Variants in MED15 observed in about 807,000 individuals in gnomAD.
MED15 encodes the protein mediator complex subunit 15.
MED15 carries 41 observed loss-of-function variants against 118.7 expected under a neutral mutation model. The ratio of observed to expected loss-of-function variants is 0.35; its 90% CI spans 0.27 to 0.45. The LOEUF is 0.45. Among genes scored for constraint, MED15 ranks in the 20% least tolerant of loss-of-function variants. The pLI is 1.00. For synonymous variants in MED15, 436 were observed against 413.9 expected (o/e 1.05, Z -0.65); for missense variants, 740 against 1,025.5 (o/e 0.72, Z 3.80).
chr22:20,535,060 C>T (rs1426730579), intron 1 of MED15, among the ~76,000 whole-genome samples: 1 of 152,102 alleles, frequency 6.6e-6, no homozygotes, highest in Non-Finnish European at 1.5e-5. Context: ...AGGGTTCAAG[C>T]GATTCTCCTG....
chr22:20,567,056 G>T (rs1196788424), intron 7 of MED15, among the ~76,000 whole-genome samples: 1 of 152,104 alleles, frequency 6.6e-6, no homozygotes, highest in East Asian at 1.9e-4. Context: ...GCTGCTACTG[G>T]GGCACCAAGT....
At chr22:20,564,880 C>G (rs574463892) in intron 6 of MED15, among the ~76,000 whole-genome samples, 192 bp downstream of exon 6, 2 of 152,232 alleles carry the variant, frequency 1.3e-5, no homozygotes, top group African/African-American at 4.8e-5. Context: ...CCTGTAATCC[C>G]AGCACTTTGG....
chr22:20,557,112 A>T (rs925798366), intron 5 of MED15, among the ~76,000 whole-genome samples: 1 of 152,182 alleles, frequency 6.6e-6, no homozygotes, highest in Non-Finnish European at 1.5e-5. Context: ...TTTGTCACAC[A>T]TCCCTCATGA....
chr22:20,554,162 G>T (rs1334464396), intron 4 of MED15: 1 of 152,450 alleles, frequency 6.6e-6, no homozygotes, highest in Non-Finnish European at 1.5e-5. Context: ...GGGCTGAGCG[G>T]CAGCAAGGGC....
chr22:20,536,042 A>C (rs1288984183), intron 1 of MED15, among the ~76,000 whole-genome samples: 1 of 150,656 alleles, frequency 6.6e-6, no homozygotes. Flanking sequence ...ACACCCTGCT[A>C]ATTTTGTATT....
intron 2 of MED15, among the ~76,000 whole-genome samples, chr22:20,537,548 C>T (rs1411126453): frequency 6.6e-6 from 1 of 152,188 alleles, no homozygotes; most frequent in Non-Finnish European, 1.5e-5. Context: ...CTGGTTTGTC[C>T]TCAGCCCCTC....
At chr22:20,538,356 C>T (rs551120633) in intron 2 of MED15, among the ~76,000 whole-genome samples, 4 of 152,022 alleles carry the variant, frequency 2.6e-5, no homozygotes, top group South Asian at 2.1e-4. Flanking sequence ...CTTAGGCGAT[C>T]CTCCTTTCTC....
At chr22:20,554,106 A>T (rs1344578208) in intron 4 of MED15, 1 of 152,326 alleles carries the variant, frequency 6.6e-6, no homozygotes, top group African/African-American at 2.4e-5. Context: ...GTCTCTGCCC[A>T]TGTGGGTCTC....
At chr22:20,525,627 C>T (rs2054614701) in intron 1 of MED15, among the ~76,000 whole-genome samples, 1 of 150,962 alleles carries the variant, frequency 6.6e-6, no homozygotes, top group Non-Finnish European at 1.5e-5. Flanking sequence ...AACTCCACCT[C>T]CCGGGTTCAA....
intron 9 of MED15, among the ~76,000 whole-genome samples, chr22:20,578,856 G>A (rs1049736124): frequency 6.6e-6 from 1 of 152,256 alleles, no homozygotes; most frequent in African/African-American, 2.4e-5. Context: ...GCTGAAAGAG[G>A]GAATGTACGT....
At chr22:20,550,162 C>G (rs1404299865) in intron 2 of MED15, among the ~76,000 whole-genome samples, 2 of 152,148 alleles carry the variant, frequency 1.3e-5, no homozygotes, top group African/African-American at 4.8e-5. Context: ...TCCCACACCT[C>G]CATTGCCCCC....
rs1390117149 is a variant in MED15 at position 20,537,110 on chromosome 22, G to GT, written c.69-4dup. 1.9e-6 allele frequency: 3 copies of GT among 1,613,210 alleles called. No homozygotes were observed. The highest frequency in any genetic ancestry group is 2.5e-6 in the Non-Finnish European group (3 of 1,179,428). ...GTGCAAACGTCTCTTCTCCTTTTGTGTTTCAGCGAGGATGCCATGAGGAAA... is the reference window on the plus strand; with the variant it reads ...GTGCAAACGTCTCTTCTCCTTTTGTGTTTTCAGCGAGGATGCCATGAGGAAA... On this transcript the variant is annotated splice_polypyrimidine_tract_variant and splice_region_variant and intron_variant, in intron 1 of 17. Coordinates refer to ENST00000263205, the MANE Select transcript of MED15 (RefSeq NM_001003891.3).
intron 1 of MED15, among the ~76,000 whole-genome samples, chr22:20,527,652 G>A (rs2054697463): frequency 6.6e-6 from 1 of 151,936 alleles, no homozygotes; most frequent in Admixed American, 6.6e-5. Context: ...ATGTTGCCCA[G>A]GCTGGTCTCA....
chr22:20,511,988 C>T (rs2054083221), intron 1 of MED15, among the ~76,000 whole-genome samples: 18 of 92,188 alleles, frequency 2.0e-4, no homozygotes, highest in African/African-American at 3.2e-4. Flanking sequence ...ACATTCTAAG[C>T]TTTTTTTTTT....
chr22:20,514,361 T>C (rs2054180966), intron 1 of MED15, among the ~76,000 whole-genome samples: 1 of 152,204 alleles, frequency 6.6e-6, no homozygotes, highest in African/African-American at 2.4e-5. Flanking sequence ...GCACCTGTCA[T>C]ACAGGTTTGT....
intron 6 of MED15, among the ~76,000 whole-genome samples, chr22:20,565,920 C>G (rs1253717019): frequency 6.6e-6 from 1 of 152,158 alleles, no homozygotes; most frequent in Non-Finnish European, 1.5e-5. Flanking sequence ...TGGTGCCTCC[C>G]CGGTGTCAGG....
In MED15 at chr22:20,546,319, C is replaced by T. The variant is rs376248514; in HGVS notation, c.157-5117C>T. On this transcript the variant is annotated intron_variant, in intron 2 of 17. Coordinates refer to ENST00000263205, the MANE Select transcript of MED15 (RefSeq NM_001003891.3). The stretch of plus-strand genomic sequence containing the variant: ...CGTGGTCTTTTAGCAAAAATATATC[C>T]GAAGTATTGCCTTAATTTGTATTTC... Among the ~76,000 whole-genome samples the T allele has an allele frequency of 2.6e-4, 40 of 152,136 alleles. No individual in the cohort carries two copies. In the South Asian group the frequency reaches 3.5e-3, roughly 13 times the overall value.
At chr22:20,535,048 C>T (rs909739511) in intron 1 of MED15, among the ~76,000 whole-genome samples, 1 of 152,148 alleles carries the variant, frequency 6.6e-6, no homozygotes, top group African/African-American at 2.4e-5. Flanking sequence ...ACCTCTGCCT[C>T]CAGGGTTCAA....
At position 20,513,540 on chromosome 22, in the gene MED15, GTGTTGGGA is replaced by G. The variant is rs527416538; in HGVS notation, c.68+5796_68+5803del. On this transcript the variant is annotated intron_variant, in intron 1 of 17. Transcript: ENST00000263205. ...GACCCACCTGCCTCGGCCTCCCAAA[GTGTTGGGA>G]TTACAGGCGTGAGCCACTGCACCTG... Among the ~76,000 whole-genome samples, 319 of 152,316 alleles carry G rather than the reference GTGTTGGGA, an allele frequency of 2.1e-3. 3 individuals are homozygous for G. Among genetic ancestry groups the G allele is most frequent in the African/African-American group, 7.4e-3 (308 of 41,574 alleles).
Sources: gnomAD v4.1 joint callset for allele counts (sites outside exome capture counted in the v4.1 genomes callset) on GRCh38, gnomAD v4.1.1 for gene constraint, MANE v1.5 for transcripts, NCBI Gene and HGNC (gene_info 2026-07-23, HGNC 2026-07-21) for gene names.